WWP2: variants seen among roughly 807,000 people sequenced by gnomAD.
WWP2 encodes WW domain containing E3 ubiquitin protein ligase 2, also known as NEDD4-like E3 ubiquitin-protein ligase WWP2.
A neutral mutation model predicts 121.0 loss-of-function variants in WWP2; 57 were observed. The observed-to-expected ratio is 0.47, with a 90% CI of 0.38 to 0.59. The LOEUF (loss-of-function observed/expected upper bound fraction) is 0.59. Among genes scored for constraint, WWP2 ranks in the 20% least tolerant of loss-of-function variants. The pLI is 0.00. For missense variants in WWP2, 962 were observed against 1,158.9 expected (o/e 0.83, Z 2.47); for synonymous variants, 449 against 441.3 (o/e 1.02, Z -0.22).
chr16:69,836,323 A>G (rs1657379846), intron 4 of WWP2, among the ~76,000 whole-genome samples: 1 of 151,634 alleles, frequency 6.6e-6, no homozygotes, highest in East Asian at 1.9e-4. Context: ...GAATTTAATG[A>G]CATTAACATT....
At chr16:69,843,758 A>G in intron 6 of WWP2, among the ~76,000 whole-genome samples, 1 of 152,074 alleles carries the variant, frequency 6.6e-6, no homozygotes, top group East Asian at 1.9e-4. Context: ...AGTCCCAGCT[A>G]CTTGGGAGGC....
intron 6 of WWP2, among the ~76,000 whole-genome samples, chr16:69,866,222 A>T (rs1217331869): frequency 1.3e-5 from 2 of 152,076 alleles, no homozygotes; most frequent in East Asian, 3.8e-4. Context: ...GCAGGAGTTT[A>T]AAATTTTTGA....
intron 8 of WWP2, among the ~76,000 whole-genome samples, chr16:69,889,059 A>T (rs999039900): frequency 6.6e-6 from 1 of 152,164 alleles, no homozygotes; most frequent in African/African-American, 2.4e-5. Context: ...GTGCCAATCA[A>T]TTCCATTGCT....
intron 4 of WWP2, among the ~76,000 whole-genome samples, chr16:69,824,426 G>A (rs945375197): frequency 6.6e-6 from 1 of 152,002 alleles, no homozygotes; most frequent in Non-Finnish European, 1.5e-5. Context: ...TTCAGTGCCT[G>A]GCCTGGCCTG....
chr16:69,910,265 TTTATA>T (rs1338171595), intron 9 of WWP2: 2 of 598,058 alleles, frequency 3.3e-6, no homozygotes, highest in Non-Finnish European at 4.2e-6. Context: ...CAGTATTTTG[TTTATA>T]TTATCAAATA....
chr16:69,887,623 C>T (rs1379176306), intron 7 of WWP2, among the ~76,000 whole-genome samples: 1 of 152,150 alleles, frequency 6.6e-6, no homozygotes, highest in African/African-American at 2.4e-5. Flanking sequence ...CCAGGTGGAT[C>T]TCGAACTCCT....
At position 69,933,821 on chromosome 16, in the gene WWP2, G is replaced by T; in HGVS notation, c.1683-149G>T. On this transcript the variant is annotated intron_variant, in intron 16 of 23. Coordinates refer to ENST00000359154, the MANE Select transcript of WWP2 (RefSeq NM_001270454.2). ...GTTCACTGACCAGCTGTTCATATAG[G>T]TTAGCCCGGGTGCTTGTCACAGGGC... 4.7e-6 allele frequency: 4 copies of T among 846,354 alleles called. No homozygotes were observed. The South Asian group carries it at 6.8e-5, about 14-fold the overall frequency. The allele number at this position is 846,354 out of a possible 1,614,324, so 52.4% of individuals were successfully genotyped here.
In WWP2 at chr16:69,908,830, G is replaced by C. The variant is rs1241086924; in HGVS notation, c.984G>C (p.Trp328Cys). ...ACCACAATACCAAGACCACCACCTG[G>C]GAGCGGCCCCTTCCTCCAGGGTAGG... ...YVDHNTKTTTWERPLPPGWEK... is the reference protein window; with the variant it reads ...YVDHNTKTTTCERPLPPGWEK... The change falls in exon 9 of 24, where the codon TGG becomes TGC. Residue 328 changes from tryptophan to cysteine, a missense_variant. Transcript: ENST00000359154. The C allele has an allele frequency of 6.2e-7, 1 of 1,614,062 alleles. No homozygotes were observed. The highest frequency in any genetic ancestry group is 2.2e-5 in the East Asian group (1 of 44,890).
intron 11 of WWP2, among the ~76,000 whole-genome samples, chr16:69,928,303 G>A (rs1212403315): frequency 1.3e-5 from 2 of 152,166 alleles, no homozygotes; most frequent in Admixed American, 1.3e-4. Flanking sequence ...GAAGGCTCAG[G>A]AACTTCCTGG....
intron 4 of WWP2, among the ~76,000 whole-genome samples, chr16:69,821,358 T>C (rs2937127): frequency 0.78 from 119,267 of 152,184 alleles, 47,034 homozygotes; most frequent in Admixed American, 0.86. Flanking sequence ...AGCCACAAGT[T>C]TCAAAAAGTA....
chr16:69,783,434 G>T (rs1177479406), intron 1 of WWP2, among the ~76,000 whole-genome samples: 1 of 152,112 alleles, frequency 6.6e-6, no homozygotes, highest in African/African-American at 2.4e-5. Flanking sequence ...TACTCAGGAG[G>T]CTGAGGCAGG....
At chr16:69,931,985 C>A in intron 16 of WWP2, 95 bp downstream of exon 16, 1 of 1,189,254 alleles carries the variant, frequency 8.4e-7, no homozygotes, top group Non-Finnish European at 1.2e-6. Flanking sequence ...GCTCACATTC[C>A]CTCCCAAAGC....
At chr16:69,837,572 C>T (rs144750221) in intron 4 of WWP2, among the ~76,000 whole-genome samples, 111 of 152,110 alleles carry the variant, frequency 7.3e-4, no homozygotes, top group Admixed American at 2.6e-3. Flanking sequence ...GTGACTGTCA[C>T]GGGGGTAGAA....
chr16:69,884,741 C>T (rs2057893205), intron 7 of WWP2, among the ~76,000 whole-genome samples: 1 of 152,136 alleles, frequency 6.6e-6, no homozygotes, highest in Non-Finnish European at 1.5e-5. Flanking sequence ...TTAGAGGATG[C>T]AAGGAAATCA....
At chr16:69,771,207 T>A (rs2151767831) in intron 1 of WWP2, among the ~76,000 whole-genome samples, 1 of 152,228 alleles carries the variant, frequency 6.6e-6, no homozygotes, top group Non-Finnish European at 1.5e-5. Context: ...ACTAGCTTAA[T>A]CTGATGTGTA....
intron 4 of WWP2, among the ~76,000 whole-genome samples, chr16:69,827,077 A>G (rs2056714018): frequency 1.3e-5 from 2 of 152,152 alleles, no homozygotes; most frequent in African/African-American, 4.8e-5. Context: ...ATTTGCAAGA[A>G]AATCTCATGC....
intron 6 of WWP2, among the ~76,000 whole-genome samples, chr16:69,860,146 G>A (rs1020250893): frequency 6.6e-6 from 1 of 151,960 alleles, no homozygotes. Context: ...GACCCCCATC[G>A]CTATAAAAAA....
At chr16:69,845,142 G>A (rs2057046830) in intron 6 of WWP2, among the ~76,000 whole-genome samples, 2 of 152,028 alleles carry the variant, frequency 1.3e-5, no homozygotes, top group Admixed American at 1.3e-4. Flanking sequence ...GTTTTTTTCA[G>A]GTGTAAAGTG....
At chr16:69,932,317 C>T (rs746068285) in intron 16 of WWP2, among the ~76,000 whole-genome samples, 3 of 152,204 alleles carry the variant, frequency 2.0e-5, no homozygotes, top group Non-Finnish European at 2.9e-5. Flanking sequence ...GCAACAAGAG[C>T]GAAACTCCAT....
Sources: gnomAD v4.1 joint callset for allele counts (sites outside exome capture counted in the v4.1 genomes callset) on GRCh38, gnomAD v4.1.1 for gene constraint, MANE v1.5 for transcripts, NCBI Gene and HGNC (gene_info 2026-07-23, HGNC 2026-07-21) for gene names.